Variants in CASC3 observed in about 807,000 individuals in gnomAD.
The protein encoded by CASC3 is protein CASC3.
A neutral mutation model predicts 80.5 loss-of-function variants in CASC3; 30 were observed. That is an observed-to-expected ratio of 0.37 (90% CI 0.28 to 0.51). The LOEUF (loss-of-function observed/expected upper bound fraction) is 0.51. Among genes scored for constraint, CASC3 ranks in the 20% least tolerant of loss-of-function variants. The probability of loss-of-function intolerance (pLI) is 0.94; values close to 1 mark genes in which losing one functional copy is unlikely to be tolerated. For synonymous variants in CASC3, 312 were observed against 333.6 expected (o/e 0.94, Z 0.70); for missense variants, 824 against 922.2 (o/e 0.89, Z 1.38).
At chr17:40,147,035 G>A (rs1346004554) in intron 3 of CASC3, among the ~76,000 whole-genome samples, 1 of 152,214 alleles carries the variant, frequency 6.6e-6, no homozygotes, top group Admixed American at 6.5e-5. Flanking sequence ...AGTGTTCATT[G>A]AGTTTTGGGG....
chr17:40,148,782 G>A (rs538543505), intron 3 of CASC3, among the ~76,000 whole-genome samples: 5 of 152,208 alleles, frequency 3.3e-5, no homozygotes, highest in Non-Finnish European at 2.9e-5. Flanking sequence ...TTTCTCCTGC[G>A]TGGACACCAG....
chr17:40,160,468 G>A (rs1177824845), intron 3 of CASC3, among the ~76,000 whole-genome samples: 1 of 151,448 alleles, frequency 6.6e-6, no homozygotes, highest in Non-Finnish European at 1.5e-5. Flanking sequence ...GCACTCCTGG[G>A]CAACAGAGCA....
intron 7 of CASC3, 132 bp downstream of exon 7, chr17:40,164,298 CTT>C (rs1989389068): frequency 2.4e-6 from 2 of 838,914 alleles, no homozygotes; most frequent in East Asian, 2.7e-5. Context: ...GAGTCTCACT[CTT>C]TTGCCCAGGC....
At chr17:40,157,940 A>G (rs1989193933) in intron 3 of CASC3, among the ~76,000 whole-genome samples, 1 of 152,234 alleles carries the variant, frequency 6.6e-6, no homozygotes, top group Non-Finnish European at 1.5e-5. Context: ...GTGGATCATC[A>G]TAAAGGTCTT....
Position 40,171,898 on chromosome 17 carries a change from ATAAC to A in CASC3, c.*1497_*1500del, listed in dbSNP as rs1989602619. 1 of 1,233,100 alleles carries A rather than the reference ATAAC, an allele frequency of 8.1e-7. No homozygotes were observed. Among genetic ancestry groups the A allele is most frequent in the African/African-American group, 1.6e-5 (1 of 63,858 alleles). The allele number at this position is 1,233,100 out of a possible 1,614,324, so 76.4% of individuals were successfully genotyped here. A position where few individuals can be genotyped will look rare whatever the true frequency, so the allele number is the denominator to read the frequency against. The stretch of plus-strand genomic sequence containing the variant: ...TTAATCTGTAACCCCCAAGGAGGAA[ATAAC>A]TAAGAGATTCTTCTAGGGGTAGCTG... On this transcript the variant is annotated 3_prime_UTR_variant, in exon 14 of 14. Coordinates refer to ENST00000264645, the MANE Select transcript of CASC3 (RefSeq NM_007359.5).
chr17:40,157,351 A>T (rs1361031575), intron 3 of CASC3, among the ~76,000 whole-genome samples: 2 of 148,692 alleles, frequency 1.3e-5, no homozygotes, highest in African/African-American at 5.0e-5. Context: ...TCAAATAAAT[A>T]AATAAATAAA....
Position 40,163,538 on chromosome 17 carries a change from T to G in CASC3, c.843T>G (p.Ser281=), listed in dbSNP as rs769854470. The change falls in exon 7 of 14, where the codon TCT becomes TCG. Residue 281 remains serine (S), a synonymous_variant. Transcript: ENST00000264645. The part of the protein sequence containing the change: ...PNWNGERLNK[S]HRHQGLGGTL... Reference sequence around the variant, plus strand: ...GGAACGGTGAGCGGCTAAACAAGTCTCATCGCCACCAGGGTCTTGGGGGCA... The same window carrying G: ...GGAACGGTGAGCGGCTAAACAAGTCGCATCGCCACCAGGGTCTTGGGGGCA... 9.3e-6 allele frequency: 15 copies of G among 1,613,948 alleles called. No individual in the cohort carries two copies. In the South Asian group the frequency reaches 1.6e-4, roughly 18 times the overall value.
At chr17:40,147,116 G>A (rs1209669543) in intron 3 of CASC3, among the ~76,000 whole-genome samples, 1 of 152,172 alleles carries the variant, frequency 6.6e-6, no homozygotes, top group African/African-American at 2.4e-5. Flanking sequence ...GGCTAGGAAA[G>A]AAGTACCACT....
At chr17:40,169,744 T>G in intron 13 of CASC3, 82 bp downstream of exon 13, 1 of 25,860 alleles carries the variant, frequency 3.9e-5, no homozygotes, top group Non-Finnish European at 7.6e-5. Flanking sequence ...AATTAATGCT[T>G]TTTTTTTTTT....
At chr17:40,157,363 A>AATT (rs1989176543) in intron 3 of CASC3, among the ~76,000 whole-genome samples, 3 of 148,030 alleles carry the variant, frequency 2.0e-5, no homozygotes, top group African/African-American at 5.0e-5. Flanking sequence ...ATAAATAAAT[A>AATT]AATAAATTAA....
chr17:40,166,523 T>C (rs1057063435), intron 7 of CASC3, among the ~76,000 whole-genome samples: 3 of 149,660 alleles, frequency 2.0e-5, no homozygotes, highest in Non-Finnish European at 4.4e-5. Context: ...GGGAACAATT[T>C]GATAGGAAAA....
In CASC3 at chr17:40,163,374, A is replaced by T. The variant is rs191605520; in HGVS notation, c.786-107A>T. On this transcript the variant is annotated intron_variant, in intron 6 of 13. Transcript: ENST00000264645. Reference sequence around the variant, plus strand: ...GGTCTTGAACTCCTGGCCTCAAGTGATCTGCCCGTCTCGATCTCCCAAAGT... The same window carrying T: ...GGTCTTGAACTCCTGGCCTCAAGTGTTCTGCCCGTCTCGATCTCCCAAAGT... 6.4e-4 allele frequency: 556 copies of T among 874,954 alleles called. 6 individuals are homozygous for T. In the East Asian group the frequency reaches 0.013, roughly 20 times the overall value. The allele number at this position is 874,954 out of a possible 1,614,324, so 54.2% of individuals were successfully genotyped here. A position where few individuals can be genotyped will look rare whatever the true frequency, so the allele number is the denominator to read the frequency against.
intron 7 of CASC3, among the ~76,000 whole-genome samples, chr17:40,165,736 G>A (rs888626291): frequency 1.4e-5 from 2 of 141,844 alleles, no homozygotes; most frequent in East Asian, 2.0e-4. Flanking sequence ...TTGTTGTTGT[G>A]TTTACATAGA....
rs1567686630 is a variant in CASC3 at position 40,171,368 on chromosome 17, C to G, written c.*963C>G. 1.0e-6 allele frequency: 1 copy of G among 985,946 alleles called. No individual in the cohort carries two copies. Among genetic ancestry groups the G allele is most frequent in the East Asian group, 1.1e-4 (1 of 8,972 alleles). 61.1% of individuals were successfully genotyped at this position (985,946 alleles called of 1,614,324 possible). ...TAAGTGGAATTAGAGGGCCTTGCTT[C>G]TCTTCTTTCCATTCTTCTTGCTACA... On this transcript the variant is annotated 3_prime_UTR_variant, in exon 14 of 14. Coordinates refer to ENST00000264645, the MANE Select transcript of CASC3 (RefSeq NM_007359.5).
chr17:40,160,797 C>T (rs1216327341), intron 3 of CASC3, among the ~76,000 whole-genome samples: 2 of 152,014 alleles, frequency 1.3e-5, no homozygotes, highest in Non-Finnish European at 2.9e-5. Flanking sequence ...TCTCGAACTC[C>T]TGACCTCAAG....
At chr17:40,142,138 G>C (rs1321030245) in intron 3 of CASC3, among the ~76,000 whole-genome samples, 2 of 152,158 alleles carry the variant, frequency 1.3e-5, no homozygotes, top group Non-Finnish European at 2.9e-5. Context: ...GTGGACTCCT[G>C]AGTTCTGGTA....
At chr17:40,144,647 T>TGCCCAGC (rs1277878212) in intron 3 of CASC3, among the ~76,000 whole-genome samples, 1 of 147,978 alleles carries the variant, frequency 6.8e-6, no homozygotes, top group Non-Finnish European at 1.5e-5. Context: ...TGAGCCACTG[T>TGCCCAGC]GCCCAGCCCT....
At chr17:40,152,996 C>T (rs944822352) in intron 3 of CASC3, among the ~76,000 whole-genome samples, 5 of 151,720 alleles carry the variant, frequency 3.3e-5, no homozygotes, top group South Asian at 2.1e-4. Context: ...AGGCTGGTCT[C>T]GAACTCCTGA....
At chr17:40,146,746 A>C (rs1291769308) in intron 3 of CASC3, among the ~76,000 whole-genome samples, 1 of 150,912 alleles carries the variant, frequency 6.6e-6, no homozygotes, top group East Asian at 1.9e-4. Context: ...CCTCTTTTTT[A>C]TTTTTTTAAA....
Sources: gnomAD v4.1 joint callset for allele counts (sites outside exome capture counted in the v4.1 genomes callset) on GRCh38, gnomAD v4.1.1 for gene constraint, MANE v1.5 for transcripts, NCBI Gene and HGNC (gene_info 2026-07-23, HGNC 2026-07-21) for gene names.